Variants in ANKRD28 observed in about 807,000 individuals in gnomAD.
ANKRD28 encodes serine/threonine-protein phosphatase 6 regulatory ankyrin repeat subunit A.
ANKRD28 carries 44 observed loss-of-function variants against 126.5 expected under a neutral mutation model. The ratio of observed to expected loss-of-function variants is 0.35; its 90% CI spans 0.27 to 0.45. The LOEUF is 0.45. ANKRD28 is among the 20% of genes least tolerant of loss of function. The pLI, the probability that ANKRD28 is intolerant of heterozygous loss-of-function variation, is 1.00. For synonymous variants in ANKRD28, 442 were observed against 468.5 expected (o/e 0.94, Z 0.73); for missense variants, 1,110 against 1,316.6 (o/e 0.84, Z 2.43).
In ANKRD28 at chr3:15,749,096, T is replaced by G. The variant is rs2057684542; in HGVS notation, c.351+2654A>C. Among the ~76,000 whole-genome samples the G allele has an allele frequency of 4.7e-4, 12 of 25,286 alleles. 1 individual carries two copies. The South Asian group carries it at 0.02, about 42-fold the overall frequency. The allele number at this position is 25,286 out of a possible 152,430, so 16.6% of individuals were successfully genotyped here. A position where few individuals can be genotyped will look rare whatever the true frequency, so the allele number is the denominator to read the frequency against. ...TTTTCCTTTCATATTCTATATTATG[T>G]TTTTGTTTTTTTTTTTTTTTTTTTT... On this transcript the variant is annotated intron_variant, in intron 4 of 27. Transcript: ENST00000683139.
In ANKRD28 at chr3:15,853,508, C is replaced by T. The variant is rs1009261836; in HGVS notation, c.27+5869G>A. 3.3e-5 allele frequency among the ~76,000 whole-genome samples: 5 copies of T among 152,058 alleles called. No homozygotes were observed. In the East Asian group the frequency reaches 7.7e-4, roughly 23 times the overall value. On this transcript the variant is annotated intron_variant, in intron 1 of 27. Coordinates refer to the ANKRD28 transcript ENST00000399451. The surrounding 1 kb of genome is among the most constrained non-coding windows in gnomAD (Gnocchi z 4.2). ...TTTTTGAGATGGAGTCTCATTCTGT[C>T]GCCCAGGCTGGAGTGCAGTAGTACG...
At chr3:15,836,886 G>A (rs879403347) in intron 1 of ANKRD28, among the ~76,000 whole-genome samples, 4 of 131,506 alleles carry the variant, frequency 3.0e-5, no homozygotes, top group Non-Finnish European at 7.0e-5. Flanking sequence ...AGATCACAAG[G>A]CCAGGAGATC....
At chr3:15,690,737 C>G (rs929178533) in intron 17 of ANKRD28, among the ~76,000 whole-genome samples, 1 of 151,860 alleles carries the variant, frequency 6.6e-6, no homozygotes, top group African/African-American at 2.4e-5. Context: ...GCTAATTTTT[C>G]TTTTAATTTT....
Position 15,814,398 on chromosome 3 carries a change from A to G in ANKRD28, c.28-19092T>C, listed in dbSNP as rs2060790063. Reference sequence around the variant, plus strand: ...ATTTATAAATAACTAGTACCTTAACAAAACATTGAATTATTGGATAATATT... The same window carrying G: ...ATTTATAAATAACTAGTACCTTAACGAAACATTGAATTATTGGATAATATT... On this transcript the variant is annotated intron_variant, in intron 1 of 27. Transcript: ENST00000399451. The surrounding 1 kb of genome is among the most constrained non-coding windows in gnomAD (Gnocchi z 4.7). 1 of 567,674 alleles carries G rather than the reference A, an allele frequency of 1.8e-6. No homozygotes were observed. The highest frequency in any genetic ancestry group is 2.5e-6 in the Non-Finnish European group (1 of 394,612). The allele number at this position is 567,674 out of a possible 1,614,324, so 35.2% of individuals were successfully genotyped here.
chr3:15,728,285 A>G (rs1268918476), intron 6 of ANKRD28, among the ~76,000 whole-genome samples: 2 of 104,022 alleles, frequency 1.9e-5, no homozygotes, highest in Non-Finnish European at 2.2e-5. Flanking sequence ...TAGCATAAAC[A>G]TATTTTGTAA....
chr3:15,766,210 C>A lies in ANKRD28; in HGVS notation c.280+24G>T, dbSNP rs761452353. 4.5e-6 allele frequency: 7 copies of A among 1,561,818 alleles called. No individual in the cohort carries two copies. In the South Asian group the frequency reaches 8.0e-5, roughly 18 times the overall value. ...ATAACAAAAATATACATAATGTGTTCTTATTACTCAGAGGTTACCATACCA... is the reference window on the plus strand; with the variant it reads ...ATAACAAAAATATACATAATGTGTTATTATTACTCAGAGGTTACCATACCA... On this transcript the variant is annotated intron_variant, in intron 3 of 27. Transcript: ENST00000683139.
At chr3:15,729,866 G>T (rs1477524671) in intron 6 of ANKRD28, among the ~76,000 whole-genome samples, 1 of 152,130 alleles carries the variant, frequency 6.6e-6, no homozygotes, top group African/African-American at 2.4e-5. Context: ...ATAATGCAAT[G>T]AGGTGTTAAG....
At chr3:15,857,337 T>A (rs1218298705) in intron 1 of ANKRD28, among the ~76,000 whole-genome samples, 3 of 152,186 alleles carry the variant, frequency 2.0e-5, no homozygotes, top group African/African-American at 7.2e-5. Context: ...CAGGCTGGAG[T>A]GCAGTGGTGC....
At chr3:15,718,789 A>G (rs74989747) in intron 8 of ANKRD28, among the ~76,000 whole-genome samples, 1,918 of 152,336 alleles carry the variant, frequency 0.013, 45 homozygotes, top group African/African-American at 0.043. Context: ...CAGGTCTCAC[A>G]GAGACTGAGA....
chr3:15,743,076 C>T (rs1415598500), intron 4 of ANKRD28, among the ~76,000 whole-genome samples: 1 of 151,930 alleles, frequency 6.6e-6, no homozygotes, highest in Non-Finnish European at 1.5e-5. Flanking sequence ...GTGACCCTAC[C>T]CCCAACCCTG....
intron 2 of ANKRD28, among the ~76,000 whole-genome samples, chr3:15,767,184 C>T (rs2058779235): frequency 6.6e-6 from 1 of 152,126 alleles, no homozygotes; most frequent in Admixed American, 6.5e-5. Flanking sequence ...GGACCTCCTA[C>T]CAGAAAACAA....
At chr3:15,683,252 T>G (rs561064115) in intron 21 of ANKRD28, among the ~76,000 whole-genome samples, 2 of 152,330 alleles carry the variant, frequency 1.3e-5, no homozygotes, top group East Asian at 3.9e-4. Flanking sequence ...TCACTGACTT[T>G]TTTACAGAAA....
At chr3:15,671,579 T>G (rs952133411) in intron 27 of ANKRD28, among the ~76,000 whole-genome samples, 1 of 132,760 alleles carries the variant, frequency 7.5e-6, no homozygotes, top group African/African-American at 3.8e-5. Flanking sequence ...AACACTATAG[T>G]TTTTTTTTTG....
At chr3:15,770,568 G>T (rs140474286) in intron 2 of ANKRD28, among the ~76,000 whole-genome samples, 1 of 152,116 alleles carries the variant, frequency 6.6e-6, no homozygotes, top group African/African-American at 2.4e-5. Flanking sequence ...TGGCTAGGTC[G>T]TAAGAACAAT....
At chr3:15,791,302 G>A (rs1268391671) in intron 2 of ANKRD28, among the ~76,000 whole-genome samples, 3 of 151,454 alleles carry the variant, frequency 2.0e-5, no homozygotes, top group African/African-American at 7.3e-5. Flanking sequence ...ACCCAGAATA[G>A]CCAAAGCCAC....
chr3:15,768,333 A>G (rs1339093960), intron 2 of ANKRD28, among the ~76,000 whole-genome samples: 4 of 152,224 alleles, frequency 2.6e-5, no homozygotes, highest in Admixed American at 2.0e-4. Context: ...GAAGGATTAA[A>G]TATCTACAGG....
Position 15,833,003 on chromosome 3 carries a change from T to C in ANKRD28, c.27+26374A>G, listed in dbSNP as rs1232424467. On this transcript the variant is annotated intron_variant, in intron 1 of 27. Coordinates refer to the ANKRD28 transcript ENST00000399451. The surrounding 1 kb of genome is among the most constrained non-coding windows in gnomAD (Gnocchi z 4.4). ...TTTTTAGTTCTTTGAGAAATCTCCA[T>C]ACTATTTTCCATAAGGATTTTACTA... Among the ~76,000 whole-genome samples, 1 of 152,230 alleles carries C rather than the reference T, an allele frequency of 6.6e-6. No homozygotes were observed. The highest frequency in any genetic ancestry group is 1.5e-5 in the Non-Finnish European group (1 of 68,034).
upstream of ANKRD28, among the ~76,000 whole-genome samples, chr3:15,800,828 G>C (rs1293170482): frequency 6.6e-6 from 1 of 151,952 alleles, no homozygotes; most frequent in Non-Finnish European, 1.5e-5. Flanking sequence ...AAAATCAAAA[G>C]CAGATAAAAA....
At chr3:15,740,125 T>A (rs1042364455) in intron 4 of ANKRD28, among the ~76,000 whole-genome samples, 3 of 152,092 alleles carry the variant, frequency 2.0e-5, no homozygotes, top group Admixed American at 6.6e-5. Flanking sequence ...ACAAAAGAAG[T>A]CGTGACACAA....
Sources: gnomAD v4.1 joint callset for allele counts (sites outside exome capture counted in the v4.1 genomes callset) on GRCh38, gnomAD v4.1.1 for gene constraint, Gnocchi (gnomAD v3.1) non-coding constraint, MANE v1.5 for transcripts, NCBI Gene and HGNC (gene_info 2026-07-23, HGNC 2026-07-21) for gene names.